The following ISLR2 variants were observed in gnomAD, a reference collection of about 807,000 sequenced individuals.
ISLR2 encodes the protein immunoglobulin superfamily containing leucine rich repeat 2.
A neutral mutation model predicts 25.5 loss-of-function variants in ISLR2; 16 were observed. That is an observed-to-expected ratio of 0.63 (90% CI 0.43 to 0.95). The LOEUF is 0.95. ISLR2 is among the 40% of genes least tolerant of loss of function. ISLR2 has a pLI of 0.00. For synonymous variants in ISLR2, 508 were observed against 486.6 expected, an observed-to-expected ratio of 1.04 and a Z score of -0.58; for missense variants, 883 against 1,030.7, an observed-to-expected ratio of 0.86 and a Z score of 1.96.
At chr15:74,138,036 T>G (rs951941784), downstream of ISLR2, among the ~76,000 whole-genome samples, 1 of 152,202 alleles carries the variant, frequency 6.6e-6, no homozygotes, top group Non-Finnish European at 1.5e-5. Context: ...GTACATCTTC[T>G]TGGTGAATTC....
At chr15:74,124,764 G>GA (rs989374489), upstream of ISLR2, among the ~76,000 whole-genome samples, 79 of 149,514 alleles carry the variant, frequency 5.3e-4, no homozygotes, top group Middle Eastern at 3.4e-3. Flanking sequence ...CATCTAAAAA[G>GA]AAAAAAAAAC....
rs1217833520 is a variant in ISLR2 at position 74,134,425 on chromosome 15, C to A, written c.1671C>A (p.Gly557=). Residue 557 remains glycine (G), a synonymous_variant, in exon 3 of 3, where the codon GGC becomes GGA. Coordinates refer to ENST00000453268, the MANE Select transcript of ISLR2 (RefSeq NM_020851.3). ...EEGVNAYWFR[G]LRPGTNYSVC... is the part of the protein sequence containing the mutation. ...GCGTCAACGCCTACTGGTTCCGCGG[C>A]CTGCGGCCGGGTACCAACTACTCCG... 5 of 1,609,452 alleles carry A rather than the reference C, an allele frequency of 3.1e-6. No individual in the cohort carries two copies. The highest frequency in any genetic ancestry group is 4.2e-6 in the Non-Finnish European group (5 of 1,178,972).
At chr15:74,122,733 A>G (rs2072262630) in intron 2 of ISLR2, among the ~76,000 whole-genome samples, 1 of 152,182 alleles carries the variant, frequency 6.6e-6, no homozygotes, top group Non-Finnish European at 1.5e-5. Flanking sequence ...CTGAGGGAAA[A>G]GTCAGTTTTA....
intron 2 of ISLR2, among the ~76,000 whole-genome samples, chr15:74,120,608 C>T (rs981765481): frequency 4.2e-4 from 64 of 151,458 alleles, no homozygotes; most frequent in South Asian, 2.1e-4. Context: ...CGGTGGTGCA[C>T]TCATAGAGTC....
At chr15:74,127,000 G>T (rs2072307569), upstream of ISLR2, 2 of 151,954 alleles carry the variant, frequency 1.3e-5, no homozygotes, top group Admixed American at 6.6e-5. Flanking sequence ...GTGTTCAGGG[G>T]CTTCTGACTG....
In ISLR2 at chr15:74,134,439, C is replaced by T; in HGVS notation, c.1685C>T (p.Thr562Ile). ...AYWFRGLRPG[T>I]NYSVCLALAG... The stretch of plus-strand genomic sequence containing the variant: ...TGGTTCCGCGGCCTGCGGCCGGGTA[C>T]CAACTACTCCGTGTGCCTGGCGCTG... The change falls in exon 3 of 3, where the codon ACC becomes ATC. Residue 562 changes from threonine to isoleucine, a missense_variant. Around this residue, in one of 2 missense-constraint regions of ISLR2, gnomAD observed 612 missense variants for 642.8 expected, o/e 0.95. Coordinates refer to ENST00000453268, the MANE Select transcript of ISLR2 (RefSeq NM_020851.3). 1 of 1,612,378 alleles carries T rather than the reference C, an allele frequency of 6.2e-7. No individual in the cohort carries two copies. Among genetic ancestry groups the T allele is most frequent in the Non-Finnish European group, 8.5e-7 (1 of 1,179,812 alleles).
chr15:74,103,042 A>T (rs1422402171), intron 1 of ISLR2, among the ~76,000 whole-genome samples: 1 of 150,000 alleles, frequency 6.7e-6, no homozygotes, highest in African/African-American at 2.5e-5. Context: ...TCCTGACCTC[A>T]GGTGATCCAC....
Position 74,134,038 on chromosome 15 carries a change from C to T in ISLR2, c.1284C>T (p.Leu428=). 6.2e-7 allele frequency: 1 copy of T among 1,613,522 alleles called. No homozygotes were observed. Among genetic ancestry groups the T allele is most frequent in the Non-Finnish European group, 8.5e-7 (1 of 1,179,774 alleles). The part of the protein sequence containing the change: ...KGQGLAKVSI[L]GETETEPEED... The stretch of plus-strand genomic sequence containing the variant: ...AAGGCCTGGCCAAGGTCAGCATTCT[C>T]GGGGAGACCGAGACGGAGCCGGAGG... The change falls in exon 3 of 3, where the codon CTC becomes CTT. Residue 428 remains leucine, a synonymous_variant. Coordinates refer to ENST00000453268, the MANE Select transcript of ISLR2 (RefSeq NM_020851.3).
intron 1 of ISLR2, among the ~76,000 whole-genome samples, chr15:74,102,965 G>A (rs1211434097): frequency 6.6e-6 from 1 of 151,634 alleles, no homozygotes; most frequent in Non-Finnish European, 1.5e-5. Flanking sequence ...CCACCATTGC[G>A]CCTGGCTAAT....
At chr15:74,138,850 G>C (rs540395108), downstream of ISLR2, among the ~76,000 whole-genome samples, 2 of 152,210 alleles carry the variant, frequency 1.3e-5, no homozygotes, top group Non-Finnish European at 2.9e-5. Flanking sequence ...CGCTGAGCAC[G>C]GGGCAAGGAC....
intron 2 of ISLR2, among the ~76,000 whole-genome samples, chr15:74,104,777 G>T (rs1372753717): frequency 6.6e-6 from 1 of 150,410 alleles, no homozygotes; most frequent in Non-Finnish European, 1.5e-5. Context: ...TTGCATATGG[G>T]GTCTTGCTAT....
At position 74,113,178 on chromosome 15, in the gene ISLR2, TG is replaced by T. The variant is rs1364048212; in HGVS notation, n.228+9270del. On this transcript the variant is annotated intron_variant and non_coding_transcript_variant, in intron 2 of 3. Coordinates refer to the ISLR2 transcript ENST00000561975. ...GAGAATCTAATGCCTGCTGATCTGA[TG>T]GGGGGCGGAGCTCAGGCAGTAATGC... Among the ~76,000 whole-genome samples the T allele has an allele frequency of 3.3e-5, 5 of 152,196 alleles. No homozygotes were observed. In the South Asian group the frequency reaches 8.3e-4, roughly 25 times the overall value.
In ISLR2 at chr15:74,133,869, T is replaced by C. The variant is rs76237676; in HGVS notation, c.1115T>C (p.Val372Ala). 3 of 1,611,708 alleles carry C rather than the reference T, an allele frequency of 1.9e-6. No homozygotes were observed. Among genetic ancestry groups the C allele is most frequent in the Non-Finnish European group, 2.5e-6 (3 of 1,179,270 alleles). The change falls in exon 3 of 3, where the codon GTG becomes GCG. Residue 372 changes from valine (V) to alanine (A), a missense_variant. Transcript: ENST00000453268. ...AACTCTACGTCAATACGCGTGGCGG[T>C]GGCAGCAACCGGGCCCCCAAAACAC... Reference protein sequence around the residue: ...GANSTSIRVAVAATGPPKHAP... With the variant: ...GANSTSIRVAAAATGPPKHAP...
At position 74,132,087 on chromosome 15, in the gene ISLR2, C is replaced by A. The variant is rs574415415; in HGVS notation, c.-8-660C>A. ...ACAATGGACAGGAAAGCGCTTTGTA[C>A]CGTGGTGGAAAACACGTACAAATGC... On this transcript the variant is annotated intron_variant, in intron 2 of 2. Coordinates refer to ENST00000453268, the MANE Select transcript of ISLR2 (RefSeq NM_020851.3). This position sits in a 1 kb window ranked among gnomAD's most constrained non-coding sequence, Gnocchi z 4.3. The A allele has an allele frequency of 6.6e-6, 1 of 152,518 alleles. No individual in the cohort carries two copies. Among genetic ancestry groups the A allele is most frequent in the South Asian group, 2.1e-4 (1 of 4,832 alleles). The allele number at this position is 152,518 out of a possible 1,614,324, so 9.4% of individuals were successfully genotyped here.
rs2072487779 is a variant in ISLR2, at chr15:74,133,730, C to G, written c.976C>G (p.Pro326Ala). 2 of 1,610,538 alleles carry G rather than the reference C, an allele frequency of 1.2e-6. No individual in the cohort carries two copies. Among genetic ancestry groups the G allele is most frequent in the Non-Finnish European group, 1.7e-6 (2 of 1,178,514 alleles). ...TPTPAPAWPAPPATPRFLALA... is the reference protein window; with the variant it reads ...TPTPAPAWPAAPATPRFLALA... ...GACTCCAGCACCCGCTTGGCCGGCG[C>G]CCCCAGCCACACCGCGCTTCCTGGC... The change falls in exon 3 of 3, where the codon CCC (proline) becomes GCC (alanine). Residue 326 changes from proline to alanine, a missense_variant. By Grantham distance (27) the Pro-to-Ala change is conservative (BLOSUM62 -1). Around this residue, in one of 2 missense-constraint regions of ISLR2, gnomAD observed 612 missense variants for 642.8 expected, o/e 0.95. Transcript: ENST00000453268.
intron 2 of ISLR2, among the ~76,000 whole-genome samples, chr15:74,104,345 C>T (rs1471876503): frequency 1.3e-5 from 2 of 152,290 alleles, no homozygotes; most frequent in African/African-American, 4.8e-5. Flanking sequence ...CAGCCCTAAA[C>T]ATCAACAGTG....
At chr15:74,115,982 G>A (rs1271821302) in intron 2 of ISLR2, among the ~76,000 whole-genome samples, 3 of 151,574 alleles carry the variant, frequency 2.0e-5, no homozygotes, top group African/African-American at 7.3e-5. Context: ...AGGATTGCTT[G>A]AGCCCAGGAG....
At chr15:74,104,026 C>T (rs1365603068) in intron 2 of ISLR2, 1 of 152,056 alleles carries the variant, frequency 6.6e-6, no homozygotes, top group Non-Finnish European at 1.5e-5. Flanking sequence ...TGAGAATGGA[C>T]TAATACAGTG....
At chr15:74,128,975 G>A, upstream of ISLR2, 1 of 456,502 alleles carries the variant, frequency 2.2e-6, no homozygotes, top group Non-Finnish European at 4.4e-6. Context: ...CCCGGGCTAG[G>A]GACCCAATCC....
Sources: gnomAD v4.1 joint callset for allele counts (sites outside exome capture counted in the v4.1 genomes callset) on GRCh38, gnomAD v4.1.1 for gene constraint, gnomAD v4.1.1 regional missense constraint, Gnocchi (gnomAD v3.1) non-coding constraint, MANE v1.5 for transcripts, NCBI Gene and HGNC (gene_info 2026-07-23, HGNC 2026-07-21) for gene names.